The following LUZP2 variants were observed in gnomAD, a reference collection of about 807,000 sequenced individuals.
LUZP2 encodes leucine zipper protein 2.
A neutral mutation model predicts 51.6 loss-of-function variants in LUZP2; 52 were observed. The ratio of observed to expected loss-of-function variants is 1.01; its 90% confidence interval spans 0.81 to 1.27. The LOEUF (loss-of-function observed/expected upper bound fraction) is 1.27. LUZP2 is among the 50% of genes most tolerant of loss of function. The pLI, the probability that LUZP2 is intolerant of heterozygous loss-of-function variation, is 0.00. For missense variants in LUZP2, 436 were observed against 395.4 expected (o/e 1.10, Z -0.87); for synonymous variants, 154 against 137.3 (o/e 1.12, Z -0.85).
rs78691419 is a variant in LUZP2, at chr11:25,078,293, C to G, written c.937-261C>G. Among the ~76,000 whole-genome samples the G allele has an allele frequency of 2.2e-3, 329 of 152,250 alleles. 1 individual carries two copies. The highest frequency in any genetic ancestry group is 7.7e-3 in the African/African-American group (320 of 41,552). ...TTTTCAAACTTTGAATTAGATTAAACAGAATTGAATGGCTTGGGCAAAGTT... is the reference window on the plus strand; with the variant it reads ...TTTTCAAACTTTGAATTAGATTAAAGAGAATTGAATGGCTTGGGCAAAGTT... On this transcript the variant is annotated intron_variant, in intron 11 of 11. Coordinates refer to ENST00000336930, the MANE Select transcript of LUZP2 (RefSeq NM_001009909.4).
At chr11:24,653,979 C>A (rs1345637484) in intron 1 of LUZP2, among the ~76,000 whole-genome samples, 1 of 152,130 alleles carries the variant, frequency 6.6e-6, no homozygotes, top group African/African-American at 2.4e-5. Context: ...TGTTATTGGA[C>A]TATAGAAATT....
intron 1 of LUZP2, among the ~76,000 whole-genome samples, chr11:24,693,804 A>G (rs1247256074): frequency 6.6e-6 from 1 of 152,038 alleles, no homozygotes; most frequent in Non-Finnish European, 1.5e-5. Context: ...GCTGAATAGT[A>G]AAAATATGAA....
At chr11:24,520,038 T>C (rs529537786) in intron 1 of LUZP2, among the ~76,000 whole-genome samples, 2 of 152,344 alleles carry the variant, frequency 1.3e-5, no homozygotes, top group Admixed American at 6.5e-5. Context: ...TTTTGTCTGA[T>C]TTCAGAAGCT....
chr11:25,070,610 T>C (rs1859127956), intron 10 of LUZP2, among the ~76,000 whole-genome samples: 1 of 152,022 alleles, frequency 6.6e-6, no homozygotes, highest in Non-Finnish European at 1.5e-5. Flanking sequence ...CCTGTTAAAA[T>C]ATCCCAGTTA....
intron 1 of LUZP2, among the ~76,000 whole-genome samples, chr11:24,699,031 T>C (rs763541533): frequency 1.3e-5 from 2 of 151,386 alleles, no homozygotes; most frequent in Non-Finnish European, 2.9e-5. Flanking sequence ...CACTCTATCC[T>C]GGGTGGCAGA....
intron 1 of LUZP2, among the ~76,000 whole-genome samples, chr11:24,504,333 T>G (rs1355639503): frequency 1.3e-5 from 2 of 152,152 alleles, no homozygotes; most frequent in Non-Finnish European, 2.9e-5. Context: ...TACATTACAT[T>G]TTCTTTGGTT....
intron 5 of LUZP2, among the ~76,000 whole-genome samples, chr11:24,812,231 A>T (rs1490356315): frequency 2.0e-5 from 3 of 152,164 alleles, no homozygotes; most frequent in East Asian, 3.9e-4. Context: ...CAACATTTTC[A>T]TCCATATTTC....
intron 4 of LUZP2, among the ~76,000 whole-genome samples, chr11:24,749,104 A>G (rs1223669101): frequency 6.6e-6 from 1 of 152,210 alleles, no homozygotes; most frequent in East Asian, 1.9e-4. Flanking sequence ...CTAAGGATGT[A>G]GTTAGAAAAT....
Position 25,022,675 on chromosome 11 carries a change from T to C in LUZP2, c.766-27363T>C, listed in dbSNP as rs115760904. Among the ~76,000 whole-genome samples the C allele has an allele frequency of 4.8e-3, 733 of 152,212 alleles. 8 individuals carry two copies. The highest frequency in any genetic ancestry group is 0.017 in the African/African-American group (690 of 41,560). ...AGATTGTGGGAAGATAAAAGTTATC[T>C]AGGAAATCTGTGTTCCTAAATCAAT... On this transcript the variant is annotated intron_variant, in intron 9 of 11. Transcript: ENST00000336930.
At chr11:24,570,603 T>C (rs1456067859) in intron 1 of LUZP2, among the ~76,000 whole-genome samples, 5 of 152,016 alleles carry the variant, frequency 3.3e-5, no homozygotes, top group Non-Finnish European at 5.9e-5. Flanking sequence ...GCAGAATTAG[T>C]CATCTTCAGC....
chr11:24,719,908 A>G (rs774728659), intron 1 of LUZP2, among the ~76,000 whole-genome samples: 15 of 152,324 alleles, frequency 9.8e-5, no homozygotes, highest in Non-Finnish European at 1.9e-4. Context: ...ACTGACAGCA[A>G]TTCAACCATA....
At chr11:24,933,069 C>A (rs563454250) in intron 7 of LUZP2, among the ~76,000 whole-genome samples, 7 of 152,312 alleles carry the variant, frequency 4.6e-5, no homozygotes, top group African/African-American at 1.7e-4. Context: ...TCAAATCATT[C>A]TCCCATGATC....
In LUZP2 at chr11:25,081,112, C is replaced by A. The variant is rs1859449099; in HGVS notation, c.*2454C>A. ...GCAATGGAGCGATCTTGGCTCACTG[C>A]AACTCTGCTTCCCAGGTTCAAGTGA... is the stretch of plus-strand genomic sequence containing the variant. On this transcript the variant is annotated 3_prime_UTR_variant, in exon 12 of 12. Coordinates refer to ENST00000336930, the MANE Select transcript of LUZP2 (RefSeq NM_001009909.4). 6.9e-6 allele frequency: 1 copy of A among 144,164 alleles called. No individual in the cohort carries two copies. Among genetic ancestry groups the A allele is most frequent in the South Asian group, 2.2e-4 (1 of 4,508 alleles). 8.9% of individuals were successfully genotyped at this position (144,164 alleles called of 1,614,324 possible).
At chr11:24,539,700 G>C (rs923853780) in intron 1 of LUZP2, among the ~76,000 whole-genome samples, 1 of 151,936 alleles carries the variant, frequency 6.6e-6, no homozygotes. Flanking sequence ...TAGGAAGCAA[G>C]TCAATACATT....
intron 1 of LUZP2, among the ~76,000 whole-genome samples, chr11:24,505,458 A>G (rs1424526582): frequency 6.6e-6 from 1 of 152,190 alleles, no homozygotes; most frequent in East Asian, 1.9e-4. Flanking sequence ...TCTCATAGAT[A>G]TGTCAAGAGG....
chr11:25,058,329 A>G (rs752890431), intron 10 of LUZP2, among the ~76,000 whole-genome samples: 7 of 152,194 alleles, frequency 4.6e-5, no homozygotes, highest in Non-Finnish European at 1.0e-4. Flanking sequence ...TTATTTCCAT[A>G]AATAGTATGG....
chr11:24,564,016 G>T (rs1214111303), intron 1 of LUZP2, among the ~76,000 whole-genome samples: 1 of 152,128 alleles, frequency 6.6e-6, no homozygotes, highest in African/African-American at 2.4e-5. Flanking sequence ...CAGAGTTACA[G>T]TTATATCCAA....
At chr11:24,812,852 C>T (rs879578254) in intron 5 of LUZP2, among the ~76,000 whole-genome samples, 22 of 152,140 alleles carry the variant, frequency 1.4e-4, no homozygotes, top group Admixed American at 1.1e-3. Flanking sequence ...TACAGGCTCG[C>T]TAGGCATATT....
chr11:24,944,547 C>T (rs1854849452), intron 7 of LUZP2, among the ~76,000 whole-genome samples: 1 of 152,094 alleles, frequency 6.6e-6, no homozygotes, highest in Non-Finnish European at 1.5e-5. Flanking sequence ...AATGGAAAAC[C>T]TAATACCACT....
Sources: gnomAD v4.1 joint callset for allele counts (sites outside exome capture counted in the v4.1 genomes callset) on GRCh38, gnomAD v4.1.1 for gene constraint, MANE v1.5 for transcripts, NCBI Gene and HGNC (gene_info 2026-07-23, HGNC 2026-07-21) for gene names.